GSK3B: variants seen among roughly 807,000 people sequenced by gnomAD.
The protein encoded by GSK3B is glycogen synthase kinase 3 beta.
Under a neutral mutation model 56.4 loss-of-function variants are expected in GSK3B, and 15 were observed. The observed-to-expected ratio is 0.27, with a 90% CI of 0.18 to 0.41. The LOEUF (loss-of-function observed/expected upper bound fraction) is 0.41, where lower values mean the gene tolerates loss of function less well. GSK3B is among the 10% of genes least tolerant of loss of function. GSK3B has a pLI of 1.00. For missense variants in GSK3B, 300 were observed against 513.4 expected (o/e 0.58, Z 4.02); for synonymous variants, 181 against 188.9 (o/e 0.96, Z 0.34).
At chr3:119,912,556 C>T in intron 6 of GSK3B, 148 bp downstream of exon 6, 2 of 435,546 alleles carry the variant, frequency 4.6e-6, no homozygotes, top group Non-Finnish European at 8.3e-6. Flanking sequence ...TATGCCTATA[C>T]ATGTTTGCAT....
At position 120,053,813 on chromosome 3, in the gene GSK3B, CTCTT is replaced by C. The variant is rs571529924; in HGVS notation, c.88+39530_88+39533del. The stretch of plus-strand genomic sequence containing the variant: ...GGGGGAGTTTCCCTGCACAAGCTCT[CTCTT>C]TGCCTGCTGCCATCCATGTAAGCCG... On this transcript the variant is annotated intron_variant, in intron 1 of 10. Coordinates refer to ENST00000264235, the MANE Select transcript of GSK3B (RefSeq NM_001146156.2). Among the ~76,000 whole-genome samples the C allele has an allele frequency of 3.3e-5, 5 of 152,308 alleles. No homozygotes were observed. The East Asian group carries it at 9.6e-4, about 29-fold the overall frequency.
intron 9 of GSK3B, among the ~76,000 whole-genome samples, chr3:119,858,941 T>A (rs199683234): frequency 6.6e-6 from 1 of 151,944 alleles, no homozygotes; most frequent in Non-Finnish European, 1.5e-5. Context: ...ATTGATCAAT[T>A]AGTTCAATAC....
chr3:119,941,101 T>C (rs889037305), intron 3 of GSK3B, among the ~76,000 whole-genome samples: 3 of 151,386 alleles, frequency 2.0e-5, no homozygotes, highest in Non-Finnish European at 2.9e-5. Context: ...CTGCAACCTC[T>C]GCCTCCTGGG....
intron 4 of GSK3B, among the ~76,000 whole-genome samples, 172 bp from the exon 5 acceptor site, chr3:119,916,346 T>C (rs144682718): frequency 1.3e-3 from 193 of 152,342 alleles, no homozygotes; most frequent in Non-Finnish European, 2.1e-3. Context: ...TAATTAGCTA[T>C]TTCTATATGA....
intron 2 of GSK3B, among the ~76,000 whole-genome samples, chr3:119,982,203 C>T (rs974187470): frequency 8.5e-5 from 13 of 152,196 alleles, no homozygotes. Flanking sequence ...AAAACCCCAT[C>T]TGTAGGTCAC....
intron 2 of GSK3B, among the ~76,000 whole-genome samples, chr3:119,993,296 A>C (rs1005935037): frequency 3.3e-5 from 5 of 152,124 alleles, no homozygotes; most frequent in African/African-American, 4.8e-5. Flanking sequence ...TAGATTTCTG[A>C]CTTTTGGAAC....
intron 3 of GSK3B, among the ~76,000 whole-genome samples, chr3:119,943,723 G>C (rs2057071983): frequency 6.6e-6 from 1 of 151,982 alleles, no homozygotes; most frequent in South Asian, 2.1e-4. Context: ...CAGAGAAAGA[G>C]GTTGATGGAG....
chr3:119,936,229 T>C (rs954920125), intron 3 of GSK3B, among the ~76,000 whole-genome samples: 1 of 151,072 alleles, frequency 6.6e-6, no homozygotes, highest in Non-Finnish European at 1.5e-5. Context: ...TTATCTCTTC[T>C]GTACTAGAGA....
intron 2 of GSK3B, among the ~76,000 whole-genome samples, chr3:119,952,169 A>C (rs1200112928): frequency 6.6e-6 from 1 of 152,152 alleles, no homozygotes; most frequent in Non-Finnish European, 1.5e-5. Flanking sequence ...ATTTGCTGAA[A>C]ACCACTAATC....
chr3:119,962,763 C>T (rs2057284207), intron 2 of GSK3B, among the ~76,000 whole-genome samples: 1 of 152,172 alleles, frequency 6.6e-6, no homozygotes, highest in Non-Finnish European at 1.5e-5. Context: ...GGACCAGTTC[C>T]ATAGAAGACT....
intron 1 of GSK3B, among the ~76,000 whole-genome samples, chr3:120,016,643 C>A (rs1490537577): frequency 6.6e-6 from 1 of 152,164 alleles, no homozygotes. Context: ...TATCTATTAG[C>A]CACTCCAATT....
At chr3:119,989,260 C>T (rs746312945) in intron 2 of GSK3B, among the ~76,000 whole-genome samples, 2 of 152,124 alleles carry the variant, frequency 1.3e-5, no homozygotes, top group Non-Finnish European at 2.9e-5. Context: ...GGAATCAACT[C>T]CTAAATACAT....
chr3:119,999,392 C>A (rs548608764), intron 2 of GSK3B, among the ~76,000 whole-genome samples: 39 of 152,280 alleles, frequency 2.6e-4, no homozygotes, highest in Non-Finnish European at 5.3e-4. Flanking sequence ...AACTGTGTGA[C>A]CCTGACAAGT....
chr3:119,823,525 G>C lies in GSK3B; in HGVS notation c.*3263C>G, dbSNP rs182635086. ...AGGGAAGTAGATAAAAGAGGAGAGA[G>C]AGAGAGCATGGAAGGCTCCCAGAAT... On this transcript the variant is annotated 3_prime_UTR_variant, in exon 11 of 11. Transcript: ENST00000264235. 2.4e-4 allele frequency: 46 copies of C among 189,030 alleles called. No individual in the cohort carries two copies. The highest frequency in any genetic ancestry group is 1.0e-3 in the African/African-American group (44 of 42,982). 11.7% of individuals were successfully genotyped at this position (189,030 alleles called of 1,614,324 possible).
intron 7 of GSK3B, among the ~76,000 whole-genome samples, chr3:119,902,994 C>A (rs72967173): frequency 6.6e-6 from 1 of 152,280 alleles, no homozygotes; most frequent in East Asian, 1.9e-4. Context: ...GGGTTACAGG[C>A]GTGAACTACG....
At chr3:119,866,523 A>G (rs550773558) in intron 8 of GSK3B, 4 of 933,012 alleles carry the variant, frequency 4.3e-6, no homozygotes, top group Admixed American at 1.8e-5. Flanking sequence ...TAGCCTCTCA[A>G]AGAAGATTTC....
intron 2 of GSK3B, among the ~76,000 whole-genome samples, chr3:119,983,048 A>G (rs532666535): frequency 6.6e-6 from 1 of 152,334 alleles, no homozygotes; most frequent in East Asian, 1.9e-4. Flanking sequence ...GTGGAGGCCA[A>G]TATTCAAAAT....
chr3:120,001,025 C>T lies in GSK3B; in HGVS notation c.282+1021G>A, dbSNP rs565891824. ...CTACAAGCTCTGCCTCCCGGGTTCA[C>T]GCCATTCTCCTACTTCAGCCTCCCA... On this transcript the variant is annotated intron_variant, in intron 2 of 10. Coordinates refer to ENST00000264235, the MANE Select transcript of GSK3B (RefSeq NM_001146156.2). 3.3e-5 allele frequency among the ~76,000 whole-genome samples: 5 copies of T among 149,320 alleles called. No individual in the cohort carries two copies. In the South Asian group the frequency reaches 6.4e-4, roughly 19 times the overall value.
intron 2 of GSK3B, among the ~76,000 whole-genome samples, chr3:119,959,506 C>CTTTTT (rs34702117): frequency 4.5e-5 from 4 of 89,184 alleles, no homozygotes; most frequent in Admixed American, 1.3e-4. Flanking sequence ...TTCTCTCTGA[C>CTTTTT]TTTTTTTTTT....
Sources: allele counts gnomAD v4.1 joint callset (sites outside exome capture counted in the v4.1 genomes callset), GRCh38; gene constraint gnomAD v4.1.1; transcripts MANE v1.5; gene names NCBI Gene and HGNC (gene_info 2026-07-23, HGNC 2026-07-21).